OVCH2: variants seen among roughly 807,000 people sequenced by gnomAD.
The protein encoded by OVCH2 is ovochymase 2.
A neutral mutation model predicts 73.7 loss-of-function variants in OVCH2; 88 were observed. The ratio of observed to expected loss-of-function variants is 1.19; its 90% CI spans 1.01 to 1.43. OVCH2 has a LOEUF of 1.43. Ranked by LOEUF, OVCH2 falls within the 40% of genes most tolerant of loss-of-function variation. The pLI, the probability that OVCH2 is intolerant of heterozygous loss-of-function variation, is 0.00. For synonymous variants in OVCH2, 265 were observed against 234.5 expected, an observed-to-expected ratio of 1.13 and a Z score of -1.19; for missense variants, 706 against 674.5, an observed-to-expected ratio of 1.05 and a Z score of -0.52.
At chr11:7,691,855 G>A (rs967683772) in intron 13 of OVCH2, 47 bp downstream of exon 13, 2 of 1,425,624 alleles carry the variant, frequency 1.4e-6, no homozygotes, top group Non-Finnish European at 1.9e-6. Context: ...TCTCAAGACT[G>A]GGTCCAAACA....
chr11:7,681,456 A>G, the OVCH2 span, among the ~76,000 whole-genome samples: 1 of 152,206 alleles, frequency 6.6e-6, no homozygotes, highest in African/African-American at 2.4e-5. Flanking sequence ...GTATAAAGGC[A>G]AGAGTCTTGA....
rs1414509894 is a variant in OVCH2 at position 7,692,747 on chromosome 11, TTATTAAG to T, written c.1414-759_1414-753del. ...AACCTCAGCAAAATTCTTGAGTAGA[TTATTAAG>T]CTATGATGAGTAATGACCTAGAAAA... On this transcript the variant is annotated intron_variant, in intron 12 of 15. Coordinates refer to ENST00000533663, the MANE Select transcript of OVCH2 (RefSeq NM_198185.7). 5.3e-5 allele frequency among the ~76,000 whole-genome samples: 8 copies of T among 152,316 alleles called. No homozygotes were observed. The East Asian group carries it at 1.5e-3, about 29-fold the overall frequency.
chr11:7,700,513 A>G (rs1442063617), intron 6 of OVCH2, 28 bp from the exon 7 acceptor site: 1 of 1,573,210 alleles, frequency 6.4e-7, no homozygotes, highest in South Asian at 1.2e-5. Flanking sequence ...CTCTATTAGC[A>G]TCACTGTCAG....
Position 7,691,372 on chromosome 11 carries a change from G to A in OVCH2, c.1536C>T (p.Thr512=), listed in dbSNP as rs376812440. 1 of 1,613,632 alleles carries A rather than the reference G, an allele frequency of 6.2e-7. No homozygotes were observed. The highest frequency in any genetic ancestry group is 1.3e-5 in the African/African-American group (1 of 74,890). Residue 512 remains threonine, a synonymous_variant, in exon 14 of 16, where the codon ACC becomes ACT. Coordinates refer to ENST00000533663, the MANE Select transcript of OVCH2 (RefSeq NM_198185.7). ...TGATGCTGGAGGGGCTCAGCACAGG[G>A]GTGGGGACATCATAGCCACACAGCC... ...IARLCGYDVP[T]PVLSPSSIML...
intron 10 of OVCH2, among the ~76,000 whole-genome samples, 193 bp from the exon 11 acceptor site, chr11:7,695,903 T>G (rs1589876008): frequency 1.3e-5 from 2 of 152,216 alleles, no homozygotes; most frequent in East Asian, 3.9e-4. Flanking sequence ...TGTAGGATAT[T>G]TGGTAGCATT....
intron 8 of OVCH2, among the ~76,000 whole-genome samples, chr11:7,698,414 A>T (rs545498368): frequency 6.6e-6 from 1 of 152,346 alleles, no homozygotes; most frequent in East Asian, 1.9e-4. Flanking sequence ...AACAAAGGGG[A>T]TGAGACCCTA....
chr11:7,682,038 A>C, the OVCH2 span, among the ~76,000 whole-genome samples: 6 of 146,664 alleles, frequency 4.1e-5, no homozygotes, highest in Admixed American at 4.1e-4. Flanking sequence ...TTAAAAAGCA[A>C]AACAAGTGAA....
intron 1 of OVCH2, 126 bp from the exon 2 acceptor site, chr11:7,704,800 A>G: frequency 1.6e-6 from 1 of 612,588 alleles, no homozygotes; most frequent in Admixed American, 3.2e-5. Flanking sequence ...ACATTCAGAT[A>G]TCAATAAATC....
rs769653191 is a variant in OVCH2, at chr11:7,704,609, T to C, written c.154A>G (p.Ile52Val). The stretch of plus-strand genomic sequence containing the variant: ...TTCTCCACTTGGCTTCCTCCAAGAA[T>C]GCGACTGAAAATGTTAAAATAATTC... ...PWNYFNIFSRILGGSQVEKGS... is the reference protein window; with the variant it reads ...PWNYFNIFSRVLGGSQVEKGS... The change falls in exon 2 of 16, where the codon ATT (isoleucine) becomes GTT (valine). Residue 52 changes from isoleucine (I) to valine (V), a missense_variant. Ile to Val is a conservative substitution (Grantham distance 29). Coordinates refer to ENST00000533663, the MANE Select transcript of OVCH2 (RefSeq NM_198185.7). 1.2e-6 allele frequency: 2 copies of C among 1,612,920 alleles called. No homozygotes were observed. Among genetic ancestry groups the C allele is most frequent in the South Asian group, 2.2e-5 (2 of 90,822 alleles).
chr11:7,704,679 G>A lies in OVCH2; in HGVS notation c.89-5C>T. On this transcript the variant is annotated splice_region_variant and splice_polypyrimidine_tract_variant and intron_variant, in intron 1 of 15. Coordinates refer to ENST00000533663, the MANE Select transcript of OVCH2 (RefSeq NM_198185.7). Reference sequence around the variant, plus strand: ...GACTCTGCCCACAACTGGGAGCTGAGAAAAAAACGAGACAAACTAAATGAT... The same window carrying A: ...GACTCTGCCCACAACTGGGAGCTGAAAAAAAAACGAGACAAACTAAATGAT... 1 of 1,580,376 alleles carries A rather than the reference G, an allele frequency of 6.3e-7. No homozygotes were observed. Among genetic ancestry groups the A allele is most frequent in the Non-Finnish European group, 8.7e-7 (1 of 1,154,966 alleles).
chr11:7,681,526 C>T, the OVCH2 span, among the ~76,000 whole-genome samples: 6 of 152,144 alleles, frequency 3.9e-5, no homozygotes, highest in Non-Finnish European at 7.3e-5. Flanking sequence ...TCAACAGAAC[C>T]GCTTGCAGGG....
rs1856479564 is a variant in OVCH2, at chr11:7,703,431, C to T, written c.290+267G>A. On this transcript the variant is annotated intron_variant, in intron 3 of 15. Coordinates refer to ENST00000533663, the MANE Select transcript of OVCH2 (RefSeq NM_198185.7). ...TTCACAAATCCTTCTTTGTAATGCTCTTTTTTTTCTGACTTGGATGCTATT... is the reference window on the plus strand; with the variant it reads ...TTCACAAATCCTTCTTTGTAATGCTTTTTTTTTTCTGACTTGGATGCTATT... Among the ~76,000 whole-genome samples the T allele has an allele frequency of 2.6e-5, 4 of 151,958 alleles. No homozygotes were observed. In the South Asian group the frequency reaches 8.3e-4, roughly 31 times the overall value.
the OVCH2 span, among the ~76,000 whole-genome samples, chr11:7,679,067 C>G: frequency 6.6e-6 from 1 of 151,994 alleles, no homozygotes; most frequent in African/African-American, 2.4e-5. Flanking sequence ...TATAAATGAC[C>G]ATTTCTTAGG....
the OVCH2 span, among the ~76,000 whole-genome samples, chr11:7,683,576 A>G: frequency 6.6e-6 from 1 of 152,124 alleles, no homozygotes; most frequent in Non-Finnish European, 1.5e-5. Context: ...TCTTGTTACA[A>G]TGATTTCAGG....
At position 7,689,532 on chromosome 11, in the gene OVCH2, G is replaced by A. The variant is rs1856179892; in HGVS notation, c.*102C>T. Reference sequence around the variant, plus strand: ...AGGGATGGCTCTGTCTGAGGGCTGTGACGAGGAGTCTGCCCCAAGCCTCTC... The same window carrying A: ...AGGGATGGCTCTGTCTGAGGGCTGTAACGAGGAGTCTGCCCCAAGCCTCTC... On this transcript the variant is annotated 3_prime_UTR_variant, in exon 16 of 16. Transcript: ENST00000533663. 2 of 432,114 alleles carry A rather than the reference G, an allele frequency of 4.6e-6. No individual in the cohort carries two copies. Among genetic ancestry groups the A allele is most frequent in the Non-Finnish European group, 4.7e-6 (1 of 214,014 alleles). The allele number at this position is 432,114 out of a possible 1,614,324, so 26.8% of individuals were successfully genotyped here.
chr11:7,682,004 T>G, the OVCH2 span, among the ~76,000 whole-genome samples: 1 of 152,030 alleles, frequency 6.6e-6, no homozygotes, highest in African/African-American at 2.4e-5. Context: ...GAGAAGAGTT[T>G]TGTTTGTGAT....
At position 7,695,627 on chromosome 11, in the gene OVCH2, C is replaced by T. The variant is rs1444185745; in HGVS notation, c.1225G>A (p.Asp409Asn). The T allele has an allele frequency of 6.2e-7, 1 of 1,611,904 alleles. No homozygotes were observed. Among genetic ancestry groups the T allele is most frequent in the Admixed American group, 1.7e-5 (1 of 59,904 alleles). ...GTAAGATTAAACCCAGCTGCATTATCTGTGGCATCAGAGACGAATTTCAGC... is the reference window on the plus strand; with the variant it reads ...GTAAGATTAAACCCAGCTGCATTATTTGTGGCATCAGAGACGAATTTCAGC... ...LRLKFVSDAT[D>N]NAAGFNLTYK... The change falls in exon 11 of 16, where the codon GAT becomes AAT. Residue 409 changes from aspartate to asparagine, a missense_variant. By Grantham distance (23) the Asp-to-Asn change is conservative. Coordinates refer to ENST00000533663, the MANE Select transcript of OVCH2 (RefSeq NM_198185.7).
downstream of OVCH2, among the ~76,000 whole-genome samples, chr11:7,685,692 A>C (rs149508452): frequency 8.5e-5 from 9 of 106,218 alleles, no homozygotes; most frequent in African/African-American, 4.2e-4. Context: ...ATGTTACACT[A>C]TTCCCTAATT....
chr11:7,687,441 A>G (rs1381234120), downstream of OVCH2, among the ~76,000 whole-genome samples: 4 of 152,126 alleles, frequency 2.6e-5, no homozygotes, highest in Non-Finnish European at 4.4e-5. Context: ...CTATGACTCT[A>G]TGACTCCTGA....
Sources: allele counts gnomAD v4.1 joint callset (sites outside exome capture counted in the v4.1 genomes callset), GRCh38; gene constraint gnomAD v4.1.1; transcripts MANE v1.5; gene names NCBI Gene and HGNC (gene_info 2026-07-23, HGNC 2026-07-21).